STX8: variants seen among roughly 807,000 people sequenced by gnomAD.
STX8 encodes the protein syntaxin 8.
Under a neutral mutation model 37.5 loss-of-function variants are expected in STX8, and 23 were observed. The observed-to-expected ratio is 0.61, with a 90% CI of 0.44 to 0.87. The LOEUF (loss-of-function observed/expected upper bound fraction) is 0.87. Among genes scored for constraint, STX8 ranks in the 40% least tolerant of loss-of-function variants. The pLI, the probability that STX8 is intolerant of heterozygous loss-of-function variation, is 0.00. For synonymous variants in STX8, 115 were observed against 99.1 expected (o/e 1.16, Z -0.95); for missense variants, 313 against 284.7 (o/e 1.10, Z -0.71).
intron 7 of STX8, among the ~76,000 whole-genome samples, chr17:9,255,885 C>T (rs7206985): frequency 0.52 from 78,507 of 152,060 alleles, 20,877 homozygotes; most frequent in Non-Finnish European, 0.59. Context: ...TACCTTAGCA[C>T]GGCAATCCTT....
At chr17:9,392,414 T>C (rs1001856371) in intron 6 of STX8, among the ~76,000 whole-genome samples, 1 of 152,066 alleles carries the variant, frequency 6.6e-6, no homozygotes, top group African/African-American at 2.4e-5. Context: ...TCAAGATCAG[T>C]CTGGACAACA....
intron 7 of STX8, among the ~76,000 whole-genome samples, chr17:9,375,240 T>C (rs1431705401): frequency 2.6e-5 from 4 of 152,134 alleles, no homozygotes; most frequent in Non-Finnish European, 5.9e-5. Flanking sequence ...TTTTAAAATA[T>C]GGACACAAGT....
chr17:9,407,280 T>C (rs1372547211), intron 6 of STX8, among the ~76,000 whole-genome samples: 1 of 152,118 alleles, frequency 6.6e-6, no homozygotes, highest in Non-Finnish European at 1.5e-5. Context: ...CCCCCTGCCT[T>C]GGCCTCCCAA....
intron 6 of STX8, among the ~76,000 whole-genome samples, chr17:9,430,185 TA>T (rs1357932302): frequency 2.4e-5 from 3 of 125,370 alleles, no homozygotes; most frequent in African/African-American, 9.1e-5. Flanking sequence ...TATATATAAA[TA>T]AAATATAAAT....
At chr17:9,280,859 G>A (rs1434315085) in intron 7 of STX8, among the ~76,000 whole-genome samples, 1 of 152,224 alleles carries the variant, frequency 6.6e-6, no homozygotes, top group Non-Finnish European at 1.5e-5. Context: ...GCTTAGACAG[G>A]TTAAGAAAGC....
chr17:9,436,885 G>A (rs1208627619), intron 6 of STX8, among the ~76,000 whole-genome samples: 2 of 152,176 alleles, frequency 1.3e-5, no homozygotes, highest in African/African-American at 4.8e-5. Flanking sequence ...CTCCTGGTTT[G>A]GATACAGAGC....
chr17:9,571,134 G>T (rs2151919815), intron 1 of STX8, among the ~76,000 whole-genome samples: 1 of 152,294 alleles, frequency 6.6e-6, no homozygotes, highest in African/African-American at 2.4e-5. Context: ...TACACACAGA[G>T]AGTGGCCCTA....
intron 3 of STX8, among the ~76,000 whole-genome samples, chr17:9,546,833 A>G (rs951899518): frequency 2.7e-5 from 4 of 150,746 alleles, no homozygotes; most frequent in Non-Finnish European, 5.9e-5. Context: ...TCTTGACCTC[A>G]TGATCCGTTC....
chr17:9,532,488 G>A (rs539861482), intron 4 of STX8, among the ~76,000 whole-genome samples: 1 of 151,882 alleles, frequency 6.6e-6, no homozygotes, highest in Non-Finnish European at 1.5e-5. Context: ...CTTCTGGAAG[G>A]GCACACACAC....
intron 7 of STX8, chr17:9,273,478 C>G (rs1221056608): frequency 2.0e-5 from 3 of 152,486 alleles, no homozygotes; most frequent in Non-Finnish European, 4.4e-5. Context: ...GACCCAGTCT[C>G]CACCCCCAGC....
At chr17:9,455,965 C>T (rs1257608136) in intron 6 of STX8, among the ~76,000 whole-genome samples, 1 of 152,180 alleles carries the variant, frequency 6.6e-6, no homozygotes, top group African/African-American at 2.4e-5. Context: ...CAGTGTACAG[C>T]TCATCCTCAT....
chr17:9,517,065 T>C (rs2142517297), intron 4 of STX8, among the ~76,000 whole-genome samples: 1 of 152,340 alleles, frequency 6.6e-6, no homozygotes, highest in South Asian at 2.1e-4. Flanking sequence ...AAATTGTGAA[T>C]TAGATTTTTT....
chr17:9,301,793 C>T (rs1366842002), intron 7 of STX8, among the ~76,000 whole-genome samples: 1 of 152,028 alleles, frequency 6.6e-6, no homozygotes, highest in Admixed American at 6.6e-5. Context: ...CCGGCCAGTG[C>T]TTTACTTTTT....
intron 3 of STX8, chr17:9,548,585 G>T (rs1457642402): frequency 6.6e-6 from 1 of 152,106 alleles, no homozygotes; most frequent in Non-Finnish European, 1.5e-5. Context: ...AGCCACATTG[G>T]AAATATCAAT....
At chr17:9,420,441 T>A (rs1327156884) in intron 6 of STX8, among the ~76,000 whole-genome samples, 8 of 152,078 alleles carry the variant, frequency 5.3e-5, no homozygotes, top group Admixed American at 5.2e-4. Flanking sequence ...ATTCTAAATG[T>A]CCCCTCTCCT....
chr17:9,375,975 T>G (rs1911567213), intron 7 of STX8, among the ~76,000 whole-genome samples: 1 of 152,174 alleles, frequency 6.6e-6, no homozygotes, highest in Admixed American at 6.6e-5. Flanking sequence ...CACATACGTA[T>G]GGAAAGCTGG....
At chr17:9,502,356 CAGAA>C (rs1192836009) in intron 5 of STX8, among the ~76,000 whole-genome samples, 1 of 152,050 alleles carries the variant, frequency 6.6e-6, no homozygotes, top group Non-Finnish European at 1.5e-5. Context: ...TTCAGTTAGA[CAGAA>C]AGAATAAGCT....
At chr17:9,357,011 C>T (rs536673761) in intron 7 of STX8, among the ~76,000 whole-genome samples, 8 of 139,632 alleles carry the variant, frequency 5.7e-5, no homozygotes, top group African/African-American at 1.3e-4. Context: ...TCTGTCACCC[C>T]GGCTGAAGTG....
rs551035312 is a variant in STX8 at position 9,486,895 on chromosome 17, A to G, written c.541+4934T>C. 4.6e-5 allele frequency among the ~76,000 whole-genome samples: 7 copies of G among 152,224 alleles called. No homozygotes were observed. In the South Asian group the frequency reaches 1.2e-3, roughly 27 times the overall value. ...TCTGGAGAAGTGCTGGTGGTCTGTC[A>G]TGAGCCCTTTGTGCCCTCCCACCCA... On this transcript the variant is annotated intron_variant, in intron 6 of 7. Coordinates refer to ENST00000306357, the MANE Select transcript of STX8 (RefSeq NM_004853.3).
Sources: gnomAD v4.1 joint callset for allele counts (sites outside exome capture counted in the v4.1 genomes callset) on GRCh38, gnomAD v4.1.1 for gene constraint, MANE v1.5 for transcripts, NCBI Gene and HGNC (gene_info 2026-07-23, HGNC 2026-07-21) for gene names.